Variants in PPCDC observed in about 807,000 individuals in gnomAD.
PPCDC encodes the protein phosphopantothenoylcysteine decarboxylase.
In PPCDC, 20 loss-of-function variants were observed where a neutral mutation model predicts 20.7. That is an observed-to-expected ratio of 0.97 (90% CI 0.68 to 1.41). The LOEUF (loss-of-function observed/expected upper bound fraction) is 1.41. Among genes scored for constraint, PPCDC ranks in the 40% most tolerant of loss-of-function variants. The probability of loss-of-function intolerance (pLI) is 0.00; values close to 1 mark genes in which losing one functional copy is unlikely to be tolerated. For synonymous variants in PPCDC, 88 were observed against 100.3 expected, an observed-to-expected ratio of 0.88 and a Z score of 0.73; for missense variants, 246 against 263.8, an observed-to-expected ratio of 0.93 and a Z score of 0.47.
At chr15:75,029,073 G>A (rs914554232) in intron 2 of PPCDC, among the ~76,000 whole-genome samples, 1 of 152,142 alleles carries the variant, frequency 6.6e-6, no homozygotes, top group Non-Finnish European at 1.5e-5. Context: ...TGGTGCAGAA[G>A]TTCAAGGCTT....
At chr15:75,034,665 A>T (rs1203207989) in intron 2 of PPCDC, among the ~76,000 whole-genome samples, 12 of 152,220 alleles carry the variant, frequency 7.9e-5, no homozygotes, top group Non-Finnish European at 1.8e-4. Flanking sequence ...GATCTGGAGC[A>T]TGCCATCGTC....
intron 3 of PPCDC, 104 bp from the exon 4 acceptor site, chr15:75,044,282 G>GGCAGGTCAGTGGGTTCCTCA: frequency 1.3e-6 from 2 of 1,515,070 alleles, no homozygotes; most frequent in Non-Finnish European, 1.8e-6. Context: ...GCCTGGGCAG[G>GGCAGGTCAGTGGGTTCCTCA]GCAGGTCAGT....
At chr15:75,033,519 T>TG (rs761591156) in intron 2 of PPCDC, among the ~76,000 whole-genome samples, 1 of 152,150 alleles carries the variant, frequency 6.6e-6, no homozygotes, top group East Asian at 1.9e-4. Context: ...GTGTGTGTTT[T>TG]TTTGTTTGTT....
intron 2 of PPCDC, among the ~76,000 whole-genome samples, chr15:75,037,738 T>G (rs1445462688): frequency 6.6e-6 from 1 of 151,040 alleles, no homozygotes; most frequent in Non-Finnish European, 1.5e-5. Flanking sequence ...GAGACTCTGT[T>G]GTTGTTGTTG....
chr15:75,047,388 C>T (rs2066250162), intron 4 of PPCDC, among the ~76,000 whole-genome samples: 1 of 152,224 alleles, frequency 6.6e-6, no homozygotes, highest in South Asian at 2.1e-4. Context: ...CCTGCTTCCT[C>T]CCTGTCCCTG....
intron 2 of PPCDC, among the ~76,000 whole-genome samples, chr15:75,039,943 C>G (rs1195702969): frequency 1.3e-5 from 2 of 152,040 alleles, no homozygotes; most frequent in African/African-American, 2.4e-5. Flanking sequence ...CGCCACCACA[C>G]CCGGCTAATT....
intron 1 of PPCDC, among the ~76,000 whole-genome samples, chr15:75,027,623 C>T (rs553879555): frequency 6.6e-6 from 1 of 152,266 alleles, no homozygotes; most frequent in East Asian, 1.9e-4. Flanking sequence ...TTCCTTTCAC[C>T]AGTCAGCCCA....
chr15:75,040,220 C>T (rs1409299172), intron 2 of PPCDC, among the ~76,000 whole-genome samples: 1 of 152,102 alleles, frequency 6.6e-6, no homozygotes, highest in Non-Finnish European at 1.5e-5. Context: ...GTAGCTGGGA[C>T]TATAGGTGTG....
chr15:75,040,561 A>C (rs950038958), intron 2 of PPCDC, among the ~76,000 whole-genome samples: 1 of 152,226 alleles, frequency 6.6e-6, no homozygotes, highest in Non-Finnish European at 1.5e-5. Context: ...CTGAATTTTA[A>C]TACAGAAGAT....
chr15:75,023,854 C>T (rs74360105), intron 1 of PPCDC, among the ~76,000 whole-genome samples: 1 of 152,304 alleles, frequency 6.6e-6, no homozygotes, highest in African/African-American at 2.4e-5. Context: ...GCAGGAGGGA[C>T]CCCCGAGCCC....
intron 2 of PPCDC, among the ~76,000 whole-genome samples, chr15:75,031,531 AC>A (rs1489369727): frequency 2.6e-5 from 4 of 151,776 alleles, no homozygotes; most frequent in Non-Finnish European, 4.4e-5. Flanking sequence ...ACATGGTAAA[AC>A]CCCAGCTCTA....
intron 2 of PPCDC, among the ~76,000 whole-genome samples, chr15:75,040,058 G>A (rs561510578): frequency 1.2e-3 from 182 of 152,214 alleles, no homozygotes; most frequent in African/African-American, 4.2e-3. Flanking sequence ...TGGGATTACA[G>A]GCGTGAGACA....
rs1260481693 is a variant in PPCDC at position 75,049,719 on chromosome 15, G to C, written c.*484G>C. On this transcript the variant is annotated 3_prime_UTR_variant, in exon 6 of 6. Transcript: ENST00000342932. ...CATGCCATGAGATTGAAGGTGCGGG[G>C]AAATAAAGAAAAATCACCATTTAGG... The C allele has an allele frequency of 6.4e-6, 1 of 156,806 alleles. No homozygotes were observed. Among genetic ancestry groups the C allele is most frequent in the African/African-American group, 2.4e-5 (1 of 41,464 alleles). 9.7% of individuals were successfully genotyped at this position (156,806 alleles called of 1,614,324 possible). A position where few individuals can be genotyped will look rare whatever the true frequency, so the allele number is the denominator to read the frequency against.
At position 75,043,731 on chromosome 15, in the gene PPCDC, C is replaced by T. The variant is rs577433163; in HGVS notation, c.231+195C>T. 738 of 582,760 alleles carry T rather than the reference C, an allele frequency of 1.3e-3. 3 individuals carry two copies. Among genetic ancestry groups the T allele is most frequent in the African/African-American group, 0.01 (539 of 53,324 alleles). 36.1% of individuals were successfully genotyped at this position (582,760 alleles called of 1,614,324 possible). A position where few individuals can be genotyped will look rare whatever the true frequency, so the allele number is the denominator to read the frequency against. ...CCTGCAGGAGGCCCTAGTCTCCTCCCGGCCCAGGCAGAGCTGGGCTTTGGC... is the reference window on the plus strand; with the variant it reads ...CCTGCAGGAGGCCCTAGTCTCCTCCTGGCCCAGGCAGAGCTGGGCTTTGGC... On this transcript the variant is annotated intron_variant, in intron 3 of 5. Coordinates refer to ENST00000342932, the MANE Select transcript of PPCDC (RefSeq NM_021823.5).
At chr15:75,048,324 T>C (rs549352940) in intron 4 of PPCDC, among the ~76,000 whole-genome samples, 1 of 152,216 alleles carries the variant, frequency 6.6e-6, no homozygotes, top group East Asian at 1.9e-4. Context: ...GTCTGAGCGT[T>C]GGTTGAGCAC....
intron 1 of PPCDC, among the ~76,000 whole-genome samples, chr15:75,026,981 C>T (rs2065967100): frequency 6.6e-6 from 1 of 152,168 alleles, no homozygotes; most frequent in Non-Finnish European, 1.5e-5. Flanking sequence ...CTTCTGCTCA[C>T]ACTGCCTTGG....
In PPCDC at chr15:75,049,371, C is replaced by T; in HGVS notation, c.*136C>T. On this transcript the variant is annotated 3_prime_UTR_variant, in exon 6 of 6. Transcript: ENST00000342932. ...ACCTGCTCTGAGCCTGCCCAGGGGC[C>T]AGGCCTGCTCCAGGTTAAACTGGAC... 1 of 793,246 alleles carries T rather than the reference C, an allele frequency of 1.3e-6. No individual in the cohort carries two copies. The highest frequency in any genetic ancestry group is 2.0e-6 in the Non-Finnish European group (1 of 492,468). The allele number at this position is 793,246 out of a possible 1,614,324, so 49.1% of individuals were successfully genotyped here.
intron 1 of PPCDC, among the ~76,000 whole-genome samples, chr15:75,025,222 G>A (rs573663592): frequency 3.5e-4 from 53 of 152,294 alleles, no homozygotes; most frequent in African/African-American, 1.2e-3. Flanking sequence ...CTGGGCAGCC[G>A]GTAGTGAGGG....
chr15:75,044,337 G>A (rs781212278), intron 3 of PPCDC, 49 bp from the exon 4 acceptor site: 95 of 1,604,242 alleles, frequency 5.9e-5, no homozygotes, highest in Non-Finnish European at 7.1e-5. Flanking sequence ...CTGCCTTGGC[G>A]CTGCATCCTG....
Sources: gnomAD v4.1 joint callset for allele counts (sites outside exome capture counted in the v4.1 genomes callset) on GRCh38, gnomAD v4.1.1 for gene constraint, MANE v1.5 for transcripts, NCBI Gene and HGNC (gene_info 2026-07-23, HGNC 2026-07-21) for gene names.